MRPL1: variants seen among roughly 807,000 people sequenced by gnomAD.
MRPL1 encodes mitochondrial ribosomal protein L1.
A neutral mutation model predicts 38.0 loss-of-function variants in MRPL1; 28 were observed. The observed-to-expected ratio is 0.74, with a 90% CI of 0.55 to 1.01. The LOEUF is 1.01. Ranked by LOEUF, MRPL1 falls within the 50% of genes least tolerant of loss-of-function variation. The pLI is 0.00. For synonymous variants in MRPL1, 123 were observed against 126.7 expected, an observed-to-expected ratio of 0.97 and a Z score of 0.20; for missense variants, 358 against 389.8, an observed-to-expected ratio of 0.92 and a Z score of 0.69.
intron 8 of MRPL1, 62 bp from the exon 9 acceptor site, chr4:77,952,427 A>C: frequency 8.1e-6 from 9 of 1,106,720 alleles, no homozygotes; most frequent in African/African-American, 1.6e-5. Context: ...GACCTACTTT[A>C]TTTGCTCATG....
chr4:77,875,976 T>C (rs1330728820), intron 2 of MRPL1, among the ~76,000 whole-genome samples: 2 of 152,130 alleles, frequency 1.3e-5, no homozygotes, highest in Non-Finnish European at 2.9e-5. Flanking sequence ...ACTGTATTTA[T>C]TTATTTATTT....
intron 7 of MRPL1, among the ~76,000 whole-genome samples, chr4:77,945,466 G>A (rs1271089556): frequency 1.3e-5 from 2 of 151,624 alleles, no homozygotes; most frequent in African/African-American, 4.8e-5. Context: ...ACTTTAGAAG[G>A]AACATGTGAT....
chr4:77,866,748 C>CT (rs1560457402), intron 1 of MRPL1, among the ~76,000 whole-genome samples: 1,776 of 150,220 alleles, frequency 0.012, 41 homozygotes, highest in African/African-American at 0.04. Context: ...ATATCACCCC[C>CT]CTTTTTTTTT....
intron 7 of MRPL1, among the ~76,000 whole-genome samples, chr4:77,928,496 T>A (rs565294660): frequency 6.6e-6 from 1 of 152,230 alleles, no homozygotes; most frequent in East Asian, 1.9e-4. Context: ...AATTAACTTT[T>A]CTTTTGTTGC....
chr4:77,911,136 C>A, intron 7 of MRPL1, among the ~76,000 whole-genome samples: 1 of 152,230 alleles, frequency 6.6e-6, no homozygotes, highest in South Asian at 2.1e-4. Flanking sequence ...GTACTTCTTT[C>A]ACTATGTGGT....
intron 7 of MRPL1, among the ~76,000 whole-genome samples, chr4:77,933,240 C>G (rs1163029091): frequency 6.6e-6 from 1 of 152,286 alleles, no homozygotes; most frequent in East Asian, 1.9e-4. Flanking sequence ...CCACCACACC[C>G]AGCTAGAACC....
At chr4:77,912,005 A>G (rs1736300423) in intron 7 of MRPL1, among the ~76,000 whole-genome samples, 1 of 152,234 alleles carries the variant, frequency 6.6e-6, no homozygotes, top group African/African-American at 2.4e-5. Context: ...TGAGCATTGC[A>G]GTGGATGCAG....
At chr4:77,889,200 A>C (rs1735750279) in intron 5 of MRPL1, among the ~76,000 whole-genome samples, 1 of 152,220 alleles carries the variant, frequency 6.6e-6, no homozygotes, top group Non-Finnish European at 1.5e-5. Flanking sequence ...ACCACATTGC[A>C]CTTATTCCAA....
intron 7 of MRPL1, among the ~76,000 whole-genome samples, chr4:77,925,349 TTTTG>T (rs1301750432): frequency 2.6e-5 from 4 of 151,488 alleles, no homozygotes; most frequent in Non-Finnish European, 5.9e-5. Context: ...TTTTTTTGTT[TTTTG>T]TTTTTTTTTC....
intron 7 of MRPL1, among the ~76,000 whole-genome samples, chr4:77,948,032 A>G (rs1737311955): frequency 6.6e-6 from 1 of 152,200 alleles, no homozygotes. Flanking sequence ...ATTTATTGTC[A>G]TTTTAGCTTG....
Position 77,877,273 on chromosome 4 carries a change from A to T in MRPL1, c.143+5418A>T, listed in dbSNP as rs533810912. Among the ~76,000 whole-genome samples, 4 of 152,102 alleles carry T rather than the reference A, an allele frequency of 2.6e-5. No homozygotes were observed. In the South Asian group the frequency reaches 8.3e-4, roughly 32 times the overall value. On this transcript the variant is annotated intron_variant, in intron 2 of 8. Transcript: ENST00000315567. ...ATGTTGTGTAGGGACTGAAGTAAAT[A>T]ATATTTACGCCTGCAAACAGGCATG... is the stretch of plus-strand genomic sequence containing the variant.
intron 6 of MRPL1, among the ~76,000 whole-genome samples, chr4:77,904,570 G>A (rs984930910): frequency 6.6e-6 from 1 of 150,648 alleles, no homozygotes; most frequent in Non-Finnish European, 1.5e-5. Context: ...AAGAAAAAAA[G>A]AAATTAAAAG....
chr4:77,881,421 C>T lies in MRPL1; in HGVS notation c.144-1821C>T, dbSNP rs76479316. On this transcript the variant is annotated intron_variant, in intron 2 of 8. Coordinates refer to ENST00000315567, the MANE Select transcript of MRPL1 (RefSeq NM_020236.4). Reference sequence around the variant, plus strand: ...AGTATTTTGGAGTCTTTATTCTCTCCTTTTCCCATCTTCAATATTTACTTT... The same window carrying T: ...AGTATTTTGGAGTCTTTATTCTCTCTTTTTCCCATCTTCAATATTTACTTT... Among the ~76,000 whole-genome samples, 895 of 150,466 alleles carry T rather than the reference C, an allele frequency of 5.9e-3. 5 individuals are homozygous for T. The highest frequency in any genetic ancestry group is 0.035 in the Middle Eastern group (10 of 286).
intron 8 of MRPL1, among the ~76,000 whole-genome samples, chr4:77,951,377 G>A (rs1344769759): frequency 6.6e-6 from 1 of 152,186 alleles, no homozygotes; most frequent in African/African-American, 2.4e-5. Context: ...AATTCTAGGT[G>A]ATCATCTTCT....
intron 6 of MRPL1, among the ~76,000 whole-genome samples, chr4:77,904,509 G>A (rs1020181631): frequency 2.0e-5 from 3 of 152,048 alleles, no homozygotes; most frequent in African/African-American, 4.8e-5. Flanking sequence ...AGCCAGGATT[G>A]CACCACTGCA....
intron 2 of MRPL1, among the ~76,000 whole-genome samples, chr4:77,873,465 T>C (rs1735329474): frequency 6.6e-6 from 1 of 152,222 alleles, no homozygotes; most frequent in South Asian, 2.1e-4. Context: ...TCTTACTTTA[T>C]GATGAAATTT....
chr4:77,885,382 T>A, intron 4 of MRPL1, 43 bp downstream of exon 4: 1 of 1,501,220 alleles, frequency 6.7e-7, no homozygotes, highest in Non-Finnish European at 9.3e-7. Flanking sequence ...TAATTTTTTT[T>A]TTTGAGACGG....
intron 7 of MRPL1, among the ~76,000 whole-genome samples, chr4:77,930,382 A>G (rs1560472930): frequency 6.6e-6 from 1 of 152,196 alleles, no homozygotes; most frequent in African/African-American, 2.4e-5. Context: ...GGCTCGCATT[A>G]CTGTCCAAGC....
chr4:77,907,832 A>G (rs1329712405), intron 6 of MRPL1, among the ~76,000 whole-genome samples: 3 of 151,316 alleles, frequency 2.0e-5, no homozygotes, highest in African/African-American at 7.3e-5. Context: ...CCAAAGTGCT[A>G]GGATTACAGG....
Sources: gnomAD v4.1 joint callset for allele counts (sites outside exome capture counted in the v4.1 genomes callset) on GRCh38, gnomAD v4.1.1 for gene constraint, MANE v1.5 for transcripts, NCBI Gene and HGNC (gene_info 2026-07-23, HGNC 2026-07-21) for gene names.